The following CDH18 variants were observed in gnomAD, a reference collection of about 807,000 sequenced individuals.
CDH18 encodes the protein cadherin-18.
A neutral mutation model predicts 67.9 loss-of-function variants in CDH18; 31 were observed. The observed-to-expected ratio is 0.46, with a 90% CI of 0.34 to 0.62. The LOEUF is 0.62. Ranked by LOEUF, CDH18 falls within the 20% of genes least tolerant of loss-of-function variation. The pLI is 0.01. For synonymous variants in CDH18, 362 were observed against 347.2 expected (o/e 1.04, Z -0.48); for missense variants, 890 against 975.5 (o/e 0.91, Z 1.17).
intron 2 of CDH18, among the ~76,000 whole-genome samples, chr5:19,880,162 C>A (rs1395422280): frequency 2.0e-5 from 3 of 151,824 alleles, no homozygotes; most frequent in African/African-American, 7.3e-5. Flanking sequence ...TATCTCTTTT[C>A]TTTTCTACTA....
Position 20,513,561 on chromosome 5 carries a change from T to C in CDH18, c.-580+61901A>G, listed in dbSNP as rs760894613. Among the ~76,000 whole-genome samples the C allele has an allele frequency of 4.6e-5, 7 of 152,160 alleles. No individual in the cohort carries two copies. In the East Asian group the frequency reaches 1.2e-3, roughly 25 times the overall value. ...TATTCAAATAACTTCTTTAATATCC[T>C]AAAATCTAGATTTATGCTACAAGTC... is the stretch of plus-strand genomic sequence containing the variant. On this transcript the variant is annotated intron_variant, in intron 1 of 14. Coordinates refer to the CDH18 transcript ENST00000507958.
intron 2 of CDH18, among the ~76,000 whole-genome samples, chr5:19,846,201 TG>T (rs534745331): frequency 9.5e-4 from 145 of 152,208 alleles, no homozygotes; most frequent in East Asian, 4.4e-3. Context: ...GTGCATACAA[TG>T]GGACTTACAG....
intron 2 of CDH18, among the ~76,000 whole-genome samples, chr5:20,048,295 T>C (rs114121580): frequency 0.035 from 5,352 of 151,760 alleles, 317 homozygotes; most frequent in African/African-American, 0.12. Context: ...TCAACGTGCT[T>C]ACACTAATTT....
At chr5:20,419,216 G>A (rs529536007) in intron 1 of CDH18, among the ~76,000 whole-genome samples, 1 of 151,968 alleles carries the variant, frequency 6.6e-6, no homozygotes, top group Non-Finnish European at 1.5e-5. Flanking sequence ...CAGGAGAGAA[G>A]TGATTTTTGT....
At chr5:19,616,504 T>G (rs567218386) in intron 5 of CDH18, among the ~76,000 whole-genome samples, 8 of 152,216 alleles carry the variant, frequency 5.3e-5, no homozygotes, top group Non-Finnish European at 1.2e-4. Context: ...CTTTTCATTT[T>G]AAACAGTGTG....
rs1479824085 is a variant in CDH18 at position 19,932,020 on chromosome 5, C to G, written c.-257+49040G>C. ...TGTTCTCTTCACTCAATCTTTCACT[C>G]CACTAAAGTACATTTTTTATAAGAA... On this transcript the variant is annotated intron_variant, in intron 2 of 12. Transcript: ENST00000382275. 2.6e-5 allele frequency among the ~76,000 whole-genome samples: 4 copies of G among 151,854 alleles called. No individual in the cohort carries two copies. In the East Asian group the frequency reaches 5.8e-4, roughly 22 times the overall value.
chr5:20,248,937 T>C (rs1294240065), intron 2 of CDH18, among the ~76,000 whole-genome samples: 4 of 152,184 alleles, frequency 2.6e-5, no homozygotes, highest in African/African-American at 9.7e-5. Context: ...GACTACAGAA[T>C]TACAGCCTAT....
At position 20,061,791 on chromosome 5, in the gene CDH18, C is replaced by T. The variant is rs1201926939; in HGVS notation, c.-517-69777G>A. Among the ~76,000 whole-genome samples the T allele has an allele frequency of 2.0e-5, 3 of 152,150 alleles. No homozygotes were observed. In the East Asian group the frequency reaches 5.8e-4, roughly 29 times the overall value. On this transcript the variant is annotated intron_variant, in intron 2 of 14. Coordinates refer to the CDH18 transcript ENST00000507958. The stretch of plus-strand genomic sequence containing the variant: ...ATTGCTTTAATAAGTAATCATCTGG[C>T]TGTTAAACAAAGTCTACCTTTGAAA...
chr5:20,215,077 A>G (rs1023490569), intron 2 of CDH18, among the ~76,000 whole-genome samples: 10 of 152,060 alleles, frequency 6.6e-5, no homozygotes, highest in African/African-American at 1.9e-4. Context: ...GCCAACAAAC[A>G]TATAAAAAAA....
At chr5:19,987,021 A>C (rs913785071) in intron 1 of CDH18, among the ~76,000 whole-genome samples, 1 of 152,206 alleles carries the variant, frequency 6.6e-6, no homozygotes, top group Non-Finnish European at 1.5e-5. Context: ...GGCTCAAAGC[A>C]GTGATGCCAT....
intron 2 of CDH18, among the ~76,000 whole-genome samples, chr5:20,096,397 G>C (rs897461048): frequency 1.1e-4 from 17 of 151,962 alleles, no homozygotes; most frequent in Admixed American, 2.0e-4. Context: ...TAAATCACAA[G>C]AGGACTACTT....
chr5:19,659,986 A>G (rs1241269948), intron 5 of CDH18, among the ~76,000 whole-genome samples: 1 of 152,086 alleles, frequency 6.6e-6, no homozygotes, highest in Non-Finnish European at 1.5e-5. Context: ...AAAGAATTTG[A>G]GAATCTTATA....
chr5:20,452,852 G>C (rs1237894956), intron 1 of CDH18, among the ~76,000 whole-genome samples: 1 of 152,090 alleles, frequency 6.6e-6, no homozygotes, highest in African/African-American at 2.4e-5. Context: ...TATAGACAAT[G>C]TATATGTAAA....
intron 2 of CDH18, among the ~76,000 whole-genome samples, chr5:20,056,840 C>G (rs571924657): frequency 6.6e-6 from 1 of 151,576 alleles, no homozygotes; most frequent in Non-Finnish European, 1.5e-5. Context: ...CCCACCACCA[C>G]GCCCGGCTAA....
chr5:20,297,975 G>A (rs947292262), intron 1 of CDH18, among the ~76,000 whole-genome samples: 4 of 152,020 alleles, frequency 2.6e-5, no homozygotes, highest in East Asian at 1.9e-4. Context: ...ATAAGTAACC[G>A]GAAGGCATCT....
intron 9 of CDH18, among the ~76,000 whole-genome samples, chr5:19,527,254 T>C (rs956461400): frequency 3.3e-5 from 5 of 151,794 alleles, no homozygotes; most frequent in African/African-American, 4.8e-5. Context: ...TTTTCCATTG[T>C]AAAATCTTGT....
chr5:20,256,124 A>G (rs1483270178), intron 1 of CDH18, among the ~76,000 whole-genome samples: 1 of 152,040 alleles, frequency 6.6e-6, no homozygotes, highest in Admixed American at 6.6e-5. Flanking sequence ...ATTTGAATAT[A>G]ATCCCTAATG....
chr5:20,389,248 C>A (rs938804822), intron 1 of CDH18, among the ~76,000 whole-genome samples: 6 of 152,110 alleles, frequency 3.9e-5, no homozygotes. Flanking sequence ...CTATTGGGTG[C>A]ATATATATTC....
At chr5:20,389,748 T>C (rs1280030425) in intron 1 of CDH18, among the ~76,000 whole-genome samples, 3 of 151,970 alleles carry the variant, frequency 2.0e-5, no homozygotes, top group East Asian at 3.9e-4. Flanking sequence ...TACTACAAGG[T>C]TACAGTAAAC....
Sources: allele counts gnomAD v4.1 joint callset (sites outside exome capture counted in the v4.1 genomes callset), GRCh38; gene constraint gnomAD v4.1.1; transcripts MANE v1.5; gene names NCBI Gene and HGNC (gene_info 2026-07-23, HGNC 2026-07-21).